The following ABLIM1 variants were observed in gnomAD, a reference collection of about 807,000 sequenced individuals.
ABLIM1 encodes the protein actin binding LIM protein 1, also known as actin-binding LIM protein 1.
ABLIM1 carries 40 observed loss-of-function variants against 107.0 expected under a neutral mutation model. That is an observed-to-expected ratio of 0.37 (90% CI 0.29 to 0.49). The LOEUF (loss-of-function observed/expected upper bound fraction) is 0.49, where lower values mean the gene tolerates loss of function less well. Ranked by LOEUF, ABLIM1 falls within the 20% of genes least tolerant of loss-of-function variation. The probability of loss-of-function intolerance (pLI) is 0.97; values close to 1 mark genes in which losing one functional copy is unlikely to be tolerated. For missense variants in ABLIM1, 857 were observed against 1,008.5 expected (o/e 0.85, Z 2.04); for synonymous variants, 357 against 357.3 (o/e 1.00, Z 0.01).
At chr10:114,735,538 C>T (rs959527227) in intron 1 of ABLIM1, among the ~76,000 whole-genome samples, 1 of 152,158 alleles carries the variant, frequency 6.6e-6, no homozygotes, top group South Asian at 2.1e-4. Context: ...GGCGCGATCT[C>T]GGCTCACTGC....
chr10:114,544,499 G>C lies in ABLIM1; in HGVS notation c.894+506C>G, dbSNP rs564073110. Among the ~76,000 whole-genome samples, 103 of 152,304 alleles carry C rather than the reference G, an allele frequency of 6.8e-4. No homozygotes were observed. In the Middle Eastern group the frequency reaches 0.014, roughly 20 times the overall value. On this transcript the variant is annotated intron_variant, in intron 6 of 22. Transcript: ENST00000533213. ...ACTTGACAGGCTTCAGCTCAGCCCC[G>C]GCCACAGGGTGCTCTGGGTCACACA...
chr10:114,545,146 G>A (rs1260453147), intron 5 of ABLIM1, 48 bp from the exon 6 acceptor site: 1 of 1,555,142 alleles, frequency 6.4e-7, no homozygotes, highest in Admixed American at 1.7e-5. Flanking sequence ...GCCAGGGGCT[G>A]GAGAAGACAC....
At chr10:114,796,919 T>A in the ABLIM1 span, among the ~76,000 whole-genome samples, 2 of 152,188 alleles carry the variant, frequency 1.3e-5, no homozygotes, top group African/African-American at 4.8e-5. Context: ...TCCTCATGGG[T>A]GACCCATCCC....
At chr10:114,526,506 A>T in intron 6 of ABLIM1, 1 of 360,770 alleles carries the variant, frequency 2.8e-6, no homozygotes, top group Non-Finnish European at 3.9e-6. Flanking sequence ...ACATAAATGT[A>T]TGTCAGGGCA....
intron 6 of ABLIM1, among the ~76,000 whole-genome samples, chr10:114,505,952 T>C (rs1169062399): frequency 1.3e-5 from 2 of 152,218 alleles, no homozygotes; most frequent in Admixed American, 6.5e-5. Flanking sequence ...GGTGTATGAA[T>C]GATCCCATCA....
Position 114,625,643 on chromosome 10 carries a change from A to AG in ABLIM1, c.245-23683dup, listed in dbSNP as rs377161443. On this transcript the variant is annotated intron_variant, in intron 1 of 22. Transcript: ENST00000533213. ...GTTAGATCTTTGATAAATACATAAA[A>AG]GGGGGGGGTACAGTATGTCTCACAA... Among the ~76,000 whole-genome samples, 1,035 of 151,800 alleles carry AG rather than the reference A, an allele frequency of 6.8e-3. 7 individuals carry two copies. The highest frequency in any genetic ancestry group is 0.02 in the African/African-American group (840 of 41,390).
At chr10:114,462,768 A>G (rs2064216236) in intron 12 of ABLIM1, among the ~76,000 whole-genome samples, 1 of 151,624 alleles carries the variant, frequency 6.6e-6, no homozygotes, top group African/African-American at 2.4e-5. Flanking sequence ...ATATATATAT[A>G]TATTTTCTTT....
At chr10:114,763,510 C>T (rs2082802785) in intron 1 of ABLIM1, among the ~76,000 whole-genome samples, 1 of 151,926 alleles carries the variant, frequency 6.6e-6, no homozygotes, top group Non-Finnish European at 1.5e-5. Flanking sequence ...GCCTCAGCCC[C>T]CGAGTAGCTG....
intron 4 of ABLIM1, among the ~76,000 whole-genome samples, chr10:114,566,821 G>T (rs2070810298): frequency 6.6e-6 from 1 of 152,200 alleles, no homozygotes; most frequent in African/African-American, 2.4e-5. Context: ...GGCTGACGCG[G>T]GCAGATCACT....
At chr10:114,791,648 A>C in the ABLIM1 span, among the ~76,000 whole-genome samples, 3 of 151,982 alleles carry the variant, frequency 2.0e-5, no homozygotes, top group African/African-American at 7.2e-5. Context: ...AAAAAAAAAA[A>C]CAAAAACAAG....
At chr10:114,700,436 G>C (rs2081284594) in intron 1 of ABLIM1, among the ~76,000 whole-genome samples, 2 of 151,432 alleles carry the variant, frequency 1.3e-5, no homozygotes, top group South Asian at 4.2e-4. Context: ...TTGACAAACT[G>C]GTTTTAAAAT....
chr10:114,667,198 C>T (rs562853900), intron 1 of ABLIM1, among the ~76,000 whole-genome samples: 20 of 152,106 alleles, frequency 1.3e-4, no homozygotes, highest in Non-Finnish European at 7.4e-5. Context: ...GGGAAGGTAG[C>T]GGGGTGCAAG....
intron 1 of ABLIM1, among the ~76,000 whole-genome samples, chr10:114,676,676 G>T (rs1478058228): frequency 6.6e-6 from 1 of 152,020 alleles, no homozygotes; most frequent in East Asian, 1.9e-4. Flanking sequence ...TAATGACTAG[G>T]AATGGAGACT....
At chr10:114,653,481 C>T (rs1320590196) in intron 1 of ABLIM1, among the ~76,000 whole-genome samples, 1 of 152,146 alleles carries the variant, frequency 6.6e-6, no homozygotes, top group African/African-American at 2.4e-5. Context: ...GAGGTGAAGG[C>T]TGAAGTGAGC....
rs780766913 is a variant in ABLIM1, at chr10:114,545,133, G to A, written c.801-35C>T. 6.9e-6 allele frequency: 11 copies of A among 1,599,070 alleles called. No individual in the cohort carries two copies. The East Asian group carries it at 2.5e-4, about 36-fold the overall frequency. On this transcript the variant is annotated intron_variant, in intron 5 of 22. Transcript: ENST00000533213. ...AAAAACGTGTTCGGCTCCTGAGGAG[G>A]TGGCCAGGGGCTGGAGAAGACACCA...
At chr10:114,704,848 C>T (rs540690463) in intron 1 of ABLIM1, among the ~76,000 whole-genome samples, 1 of 152,220 alleles carries the variant, frequency 6.6e-6, no homozygotes, top group East Asian at 1.9e-4. Context: ...CCAACTTCAG[C>T]GCATTCTGAT....
chr10:114,568,739 A>G (rs1457926107), intron 4 of ABLIM1, among the ~76,000 whole-genome samples: 1 of 152,256 alleles, frequency 6.6e-6, no homozygotes, highest in Non-Finnish European at 1.5e-5. Context: ...ATGGGATTTC[A>G]TCCATTGGAA....
chr10:114,697,303 C>A (rs562991716), intron 1 of ABLIM1, among the ~76,000 whole-genome samples: 1 of 152,346 alleles, frequency 6.6e-6, no homozygotes, highest in South Asian at 2.1e-4. Flanking sequence ...GAGTCAGAGA[C>A]ACAACCAGTT....
the ABLIM1 span, among the ~76,000 whole-genome samples, chr10:114,800,020 C>T: frequency 6.6e-6 from 1 of 152,210 alleles, no homozygotes; most frequent in African/African-American, 2.4e-5. Flanking sequence ...AAGCAATCCA[C>T]CTGCCTCAGC....
Sources: allele counts gnomAD v4.1 joint callset (sites outside exome capture counted in the v4.1 genomes callset), GRCh38; gene constraint gnomAD v4.1.1; transcripts MANE v1.5; gene names NCBI Gene and HGNC (gene_info 2026-07-23, HGNC 2026-07-21).